The following CACHD1 variants were observed in gnomAD, a reference collection of about 807,000 sequenced individuals.
CACHD1 encodes VWFA and cache domain-containing protein 1.
In CACHD1, 71 loss-of-function variants were observed where a neutral mutation model predicts 138.7. That is an observed-to-expected ratio of 0.51 (90% CI 0.42 to 0.62). The LOEUF is 0.62. CACHD1 is among the 20% of genes least tolerant of loss of function. CACHD1 has a pLI of 0.00. For missense variants in CACHD1, 1,389 were observed against 1,625.3 expected, an observed-to-expected ratio of 0.85 and a Z score of 2.50; for synonymous variants, 578 against 591.5, an observed-to-expected ratio of 0.98 and a Z score of 0.33.
Position 64,671,599 on chromosome 1 carries a change from T to C in CACHD1, c.2423T>C (p.Met808Thr), listed in dbSNP as rs746807262. ...TCTTCTGGGCACACTGTGGCTGTGATGGGCATTGACTTCACACTCAGATAC... is the reference window on the plus strand; with the variant it reads ...TCTTCTGGGCACACTGTGGCTGTGACGGGCATTGACTTCACACTCAGATAC... ...QLSSGHTVAV[M>T]GIDFTLRYFY... Residue 808 changes from methionine to threonine, a missense_variant, in exon 17 of 27, where the codon ATG becomes ACG. Around this residue, in one of 5 missense-constraint regions of CACHD1, gnomAD observed 1,000 missense variants for 1,114.7 expected, o/e 0.90. Coordinates refer to ENST00000651257, the MANE Select transcript of CACHD1 (RefSeq NM_020925.4). 6.2e-7 allele frequency: 1 copy of C among 1,614,000 alleles called. No homozygotes were observed. Among genetic ancestry groups the C allele is most frequent in the Admixed American group, 1.7e-5 (1 of 60,020 alleles).
intron 4 of CACHD1, among the ~76,000 whole-genome samples, chr1:64,612,549 AG>A (rs1196684597): frequency 6.6e-6 from 1 of 152,250 alleles, no homozygotes; most frequent in Non-Finnish European, 1.5e-5. Flanking sequence ...AACAATACTC[AG>A]ATGTTTTCAG....
chr1:64,548,296 A>G (rs1646733088), intron 1 of CACHD1, among the ~76,000 whole-genome samples: 1 of 152,228 alleles, frequency 6.6e-6, no homozygotes, highest in Admixed American at 6.5e-5. Flanking sequence ...TAGAACAGAT[A>G]CTGTATCAAT....
rs1354762217 is a variant in CACHD1, at chr1:64,620,293, G to A, written c.518-9062G>A. 2.0e-5 allele frequency among the ~76,000 whole-genome samples: 3 copies of A among 152,044 alleles called. No homozygotes were observed. The East Asian group carries it at 5.8e-4, about 29-fold the overall frequency. ...TATCTTCCCTCCCTACCTACATGTA[G>A]CTGTTTAGAAATGTGACTTAATAGT... is the stretch of plus-strand genomic sequence containing the variant. On this transcript the variant is annotated intron_variant, in intron 4 of 26. Coordinates refer to ENST00000651257, the MANE Select transcript of CACHD1 (RefSeq NM_020925.4).
chr1:64,502,436 T>G (rs575683437), intron 1 of CACHD1, among the ~76,000 whole-genome samples: 1 of 152,300 alleles, frequency 6.6e-6, no homozygotes, highest in South Asian at 2.1e-4. Flanking sequence ...GGCTCATTAT[T>G]ACTGAATTCC....
chr1:64,489,403 C>A lies in CACHD1; in HGVS notation c.198+18461C>A, dbSNP rs189206519. Among the ~76,000 whole-genome samples the A allele has an allele frequency of 2.6e-5, 4 of 152,012 alleles. No homozygotes were observed. The South Asian group carries it at 8.3e-4, about 32-fold the overall frequency. The stretch of plus-strand genomic sequence containing the variant: ...GTGCAGAGACCTTCCCCAAAGGAGG[C>A]GAGAGATATGGATGATTCCAGGAAT... On this transcript the variant is annotated intron_variant, in intron 1 of 26. Transcript: ENST00000651257.
intron 15 of CACHD1, 33 bp downstream of exon 15, chr1:64,664,712 C>T: frequency 6.3e-7 from 1 of 1,599,450 alleles, no homozygotes; most frequent in South Asian, 1.1e-5. Context: ...ATCAAAGGTT[C>T]TCCCCCAAAT....
chr1:64,473,495 A>C lies in CACHD1; in HGVS notation c.198+2553A>C, dbSNP rs535712196. 3.3e-5 allele frequency among the ~76,000 whole-genome samples: 5 copies of C among 151,298 alleles called. No homozygotes were observed. The South Asian group carries it at 1.0e-3, about 32-fold the overall frequency. ...CCCTGCAGCATGATGGATTTTATAGAGGTGGAGCTAATCTGTTTTTCAGAG... is the reference window on the plus strand; with the variant it reads ...CCCTGCAGCATGATGGATTTTATAGCGGTGGAGCTAATCTGTTTTTCAGAG... On this transcript the variant is annotated intron_variant, in intron 1 of 26. Transcript: ENST00000651257.
rs114883709 is a variant in CACHD1, at chr1:64,568,618, A to G, written c.262-13538A>G. 5.5e-3 allele frequency among the ~76,000 whole-genome samples: 838 copies of G among 152,304 alleles called. 7 individuals are homozygous for G. The highest frequency in any genetic ancestry group is 0.019 in the African/African-American group (792 of 41,560). The stretch of plus-strand genomic sequence containing the variant: ...TGTAACCTCTGTTCTGTATTCTTAT[A>G]TATATATTTGCAAGTTAAAATATAT... On this transcript the variant is annotated intron_variant, in intron 2 of 26. Transcript: ENST00000651257.
chr1:64,498,961 C>T (rs1447733504), intron 1 of CACHD1, among the ~76,000 whole-genome samples: 1 of 152,186 alleles, frequency 6.6e-6, no homozygotes, highest in Non-Finnish European at 1.5e-5. Context: ...TTGCTGTAGC[C>T]AGTCTTCCTA....
chr1:64,542,735 T>G (rs967140809), intron 1 of CACHD1, among the ~76,000 whole-genome samples: 2 of 152,192 alleles, frequency 1.3e-5, no homozygotes, highest in Non-Finnish European at 2.9e-5. Flanking sequence ...AGATGATCTT[T>G]GCATAGGGGA....
intron 1 of CACHD1, among the ~76,000 whole-genome samples, chr1:64,480,026 T>A (rs928878343): frequency 6.6e-6 from 1 of 152,198 alleles, no homozygotes; most frequent in Non-Finnish European, 1.5e-5. Context: ...CCAAGTCCAG[T>A]TGGAGCCTGC....
At chr1:64,529,294 G>C (rs1183074212) in intron 1 of CACHD1, among the ~76,000 whole-genome samples, 1 of 151,830 alleles carries the variant, frequency 6.6e-6, no homozygotes, top group African/African-American at 2.4e-5. Context: ...TCTCTTTCTT[G>C]CGTCTTTCAT....
chr1:64,568,837 A>G (rs764053134), intron 2 of CACHD1, among the ~76,000 whole-genome samples: 6 of 152,190 alleles, frequency 3.9e-5, no homozygotes, highest in Non-Finnish European at 5.9e-5. Flanking sequence ...TACACACAAA[A>G]GCAATATATA....
chr1:64,573,448 G>A (rs1646942291), intron 2 of CACHD1, among the ~76,000 whole-genome samples: 1 of 152,160 alleles, frequency 6.6e-6, no homozygotes, highest in African/African-American at 2.4e-5. Flanking sequence ...CCACTGTATA[G>A]TATTTGTAGA....
At position 64,509,186 on chromosome 1, in the gene CACHD1, T is replaced by C. The variant is rs553881850; in HGVS notation, c.198+38244T>C. Among the ~76,000 whole-genome samples the C allele has an allele frequency of 5.3e-5, 8 of 152,332 alleles. 1 individual carries two copies. Among genetic ancestry groups the C allele is most frequent in the African/African-American group, 1.9e-4 (8 of 41,578 alleles). On this transcript the variant is annotated intron_variant, in intron 1 of 26. Transcript: ENST00000651257. ...TGCTTTTATTTGTGAGGGTTGGGGC[T>C]GCTCATCTCTTTGAACTGTCATTAG... is the stretch of plus-strand genomic sequence containing the variant.
chr1:64,682,049 C>T lies in CACHD1; in HGVS notation c.3529C>T (p.His1177Tyr), dbSNP rs144580565. 2 of 1,614,112 alleles carry T rather than the reference C, an allele frequency of 1.2e-6. No individual in the cohort carries two copies. Among genetic ancestry groups the T allele is most frequent in the Admixed American group, 1.7e-5 (1 of 60,020 alleles). ...AGCTGCGGTCATCGAACGACATGCA[C>T]ACAGTCCAGAAAGAAGGCGCCGCTA... ...FIAAVIERHA[H>Y]SPERRRRYWG... The change falls in exon 26 of 27, where the codon CAC becomes TAC. Residue 1177 changes from histidine to tyrosine, a missense_variant. His to Tyr is a moderately conservative substitution (Grantham distance 83, BLOSUM62 2). Coordinates refer to ENST00000651257, the MANE Select transcript of CACHD1 (RefSeq NM_020925.4).
intron 26 of CACHD1, among the ~76,000 whole-genome samples, chr1:64,685,984 A>G (rs1030339290): frequency 1.3e-5 from 2 of 152,196 alleles, no homozygotes; most frequent in African/African-American, 4.8e-5. Flanking sequence ...ACAGTCTAGG[A>G]GGAAGCTATA....
intron 3 of CACHD1, among the ~76,000 whole-genome samples, chr1:64,599,706 G>C (rs2100572722): frequency 6.6e-6 from 1 of 152,250 alleles, no homozygotes; most frequent in East Asian, 1.9e-4. Context: ...AATGCTGTTA[G>C]AGATTACCTT....
At chr1:64,584,572 C>G (rs989476608) in intron 3 of CACHD1, among the ~76,000 whole-genome samples, 4 of 152,092 alleles carry the variant, frequency 2.6e-5, no homozygotes, top group Non-Finnish European at 5.9e-5. Context: ...TCCCTTTTGT[C>G]CCTGGAAGAA....
Sources: gnomAD v4.1 joint callset for allele counts (sites outside exome capture counted in the v4.1 genomes callset) on GRCh38, gnomAD v4.1.1 for gene constraint, gnomAD v4.1.1 regional missense constraint, MANE v1.5 for transcripts, NCBI Gene and HGNC (gene_info 2026-07-23, HGNC 2026-07-21) for gene names.